Variants in EFCAB11 observed in about 807,000 individuals in gnomAD.
EFCAB11 encodes EF-hand calcium binding domain 11, also known as EF-hand calcium-binding domain-containing protein 11.
EFCAB11 carries 14 observed loss-of-function variants against 23.0 expected under a neutral mutation model. The observed-to-expected ratio is 0.61, with a 90% CI of 0.40 to 0.95. The LOEUF is 0.95. Ranked by LOEUF, EFCAB11 falls within the 40% of genes least tolerant of loss-of-function variation. EFCAB11 has a pLI of 0.00. For synonymous variants in EFCAB11, 65 were observed against 66.6 expected, an observed-to-expected ratio of 0.98 and a Z score of 0.11; for missense variants, 198 against 195.8, an observed-to-expected ratio of 1.01 and a Z score of -0.07.
At chr14:89,938,507 T>C (rs1312284575) in intron 3 of EFCAB11, among the ~76,000 whole-genome samples, 1 of 152,116 alleles carries the variant, frequency 6.6e-6, no homozygotes, top group Non-Finnish European at 1.5e-5. Context: ...CTATGATAAA[T>C]GAATTCAGAG....
intron 5 of EFCAB11, among the ~76,000 whole-genome samples, chr14:89,906,660 A>C (rs1205107405): frequency 6.6e-6 from 1 of 152,176 alleles, no homozygotes; most frequent in Admixed American, 6.5e-5. Flanking sequence ...CTTTGAGATG[A>C]AAGATTTTGT....
At chr14:89,912,089 C>T (rs1349738655) in intron 5 of EFCAB11, among the ~76,000 whole-genome samples, 5 of 152,110 alleles carry the variant, frequency 3.3e-5, no homozygotes, top group African/African-American at 1.2e-4. Context: ...AACAGAATGG[C>T]CAGAAGTCCA....
intron 5 of EFCAB11, among the ~76,000 whole-genome samples, chr14:89,845,181 T>C (rs979697032): frequency 6.6e-6 from 1 of 152,216 alleles, no homozygotes; most frequent in Non-Finnish European, 1.5e-5. Flanking sequence ...TTTTAAAATA[T>C]GTGCTCATCC....
chr14:89,853,938 T>C (rs1239756075), intron 5 of EFCAB11, among the ~76,000 whole-genome samples: 3 of 152,100 alleles, frequency 2.0e-5, no homozygotes, highest in African/African-American at 7.2e-5. Flanking sequence ...GAGAATAAGC[T>C]ACAAATGAAA....
At chr14:89,807,631 T>C (rs1331574356) in intron 5 of EFCAB11, among the ~76,000 whole-genome samples, 1 of 152,222 alleles carries the variant, frequency 6.6e-6, no homozygotes, top group African/African-American at 2.4e-5. Context: ...AGACGGAAGC[T>C]TGCCTTTTAA....
At position 89,929,044 on chromosome 14, in the gene EFCAB11, T is replaced by TAC. The variant is rs747390324; in HGVS notation, c.410+2495_410+2496dup. Reference sequence around the variant, plus strand: ...ATAAATACATACATATATATATATATACACACACACATATTTTTTTTTAGG... The same window carrying TAC: ...ATAAATACATACATATATATATATATACACACACACACATATTTTTTTTTAGG... On this transcript the variant is annotated intron_variant, in intron 5 of 5. Coordinates refer to ENST00000316738, the MANE Select transcript of EFCAB11 (RefSeq NM_145231.4). 7.3e-4 allele frequency among the ~76,000 whole-genome samples: 102 copies of TAC among 138,948 alleles called. 3 individuals carry two copies. The highest frequency in any genetic ancestry group is 1.2e-3 in the Non-Finnish European group (82 of 66,132). 91.2% of individuals were successfully genotyped at this position (138,948 alleles called of 152,430 possible).
intron 5 of EFCAB11, among the ~76,000 whole-genome samples, chr14:89,889,434 TA>T (rs1427123129): frequency 6.6e-6 from 1 of 152,106 alleles, no homozygotes; most frequent in East Asian, 1.9e-4. Flanking sequence ...ATGAAACGAG[TA>T]AAGGGCTTAG....
chr14:89,888,049 G>A (rs1888847862), intron 5 of EFCAB11, among the ~76,000 whole-genome samples: 1 of 152,182 alleles, frequency 6.6e-6, no homozygotes, highest in Non-Finnish European at 1.5e-5. Context: ...AACATACTGA[G>A]GTAGATAATA....
At chr14:89,810,395 AT>A (rs1949257441) in intron 5 of EFCAB11, among the ~76,000 whole-genome samples, 1 of 152,192 alleles carries the variant, frequency 6.6e-6, no homozygotes, top group African/African-American at 2.4e-5. Flanking sequence ...TATAATTTTC[AT>A]TTTTAATGGC....
At chr14:89,937,541 A>T (rs1226816299) in intron 3 of EFCAB11, among the ~76,000 whole-genome samples, 1 of 151,986 alleles carries the variant, frequency 6.6e-6, no homozygotes, top group East Asian at 1.9e-4. Context: ...ATATATATAT[A>T]TTTTAGATGG....
chr14:89,943,472 G>C (rs1162805157), intron 3 of EFCAB11, among the ~76,000 whole-genome samples: 4 of 151,884 alleles, frequency 2.6e-5, no homozygotes, highest in African/African-American at 7.3e-5. Context: ...AAACTCCTGG[G>C]CTCAAGTGAT....
intron 5 of EFCAB11, among the ~76,000 whole-genome samples, chr14:89,903,405 C>T (rs12889533): frequency 0.27 from 41,750 of 151,964 alleles, 7,078 homozygotes; most frequent in Non-Finnish European, 0.39. Flanking sequence ...GAAAACTTCA[C>T]GCATTTGAAA....
Position 89,848,187 on chromosome 14 carries a change from G to A in EFCAB11, c.411-50863C>T, listed in dbSNP as rs1043057481. 2.6e-5 allele frequency among the ~76,000 whole-genome samples: 4 copies of A among 152,198 alleles called. No individual in the cohort carries two copies. The East Asian group carries it at 5.8e-4, about 22-fold the overall frequency. The stretch of plus-strand genomic sequence containing the variant: ...ATTAGTGACCCCATTTCACATATAA[G>A]GAAACTGAGGCTTAGAGAATTACTC... On this transcript the variant is annotated intron_variant, in intron 5 of 5. Transcript: ENST00000316738.
chr14:89,869,780 C>T (rs557760194), intron 5 of EFCAB11, among the ~76,000 whole-genome samples: 1 of 152,316 alleles, frequency 6.6e-6, no homozygotes, highest in Non-Finnish European at 1.5e-5. Context: ...TTTATGACAA[C>T]AACATCCTAA....
chr14:89,812,027 T>C (rs998374969), intron 5 of EFCAB11, among the ~76,000 whole-genome samples: 1 of 152,178 alleles, frequency 6.6e-6, no homozygotes, highest in African/African-American at 2.4e-5. Context: ...AGTGTTATCA[T>C]ATATAAAAAG....
chr14:89,842,506 C>T (rs138129297), intron 5 of EFCAB11, among the ~76,000 whole-genome samples: 148 of 152,228 alleles, frequency 9.7e-4, no homozygotes, highest in Middle Eastern at 3.4e-3. Flanking sequence ...ACCCAGGAGG[C>T]GGAGGCTGCA....
intron 5 of EFCAB11, among the ~76,000 whole-genome samples, chr14:89,911,429 CA>C (rs1206175872): frequency 6.6e-6 from 1 of 152,194 alleles, no homozygotes; most frequent in African/African-American, 2.4e-5. Flanking sequence ...ACTACGCAGA[CA>C]AACACGAGAA....
intron 5 of EFCAB11, chr14:89,831,004 C>T (rs566307862): frequency 3.9e-5 from 6 of 152,378 alleles, no homozygotes; most frequent in African/African-American, 1.4e-4. Flanking sequence ...AGGATCATTG[C>T]TGGACTTATT....
chr14:89,926,915 A>C (rs540495434), intron 5 of EFCAB11, among the ~76,000 whole-genome samples: 6 of 152,334 alleles, frequency 3.9e-5, no homozygotes, highest in Non-Finnish European at 8.8e-5. Context: ...TATGACTAAA[A>C]CAAAACAGGA....
Sources: allele counts gnomAD v4.1 joint callset (sites outside exome capture counted in the v4.1 genomes callset), GRCh38; gene constraint gnomAD v4.1.1; transcripts MANE v1.5; gene names NCBI Gene and HGNC (gene_info 2026-07-23, HGNC 2026-07-21).